Variants in ERBB4 observed in about 807,000 individuals in gnomAD.
ERBB4 encodes the protein receptor tyrosine-protein kinase erbB-4.
A neutral mutation model predicts 158.0 loss-of-function variants in ERBB4; 42 were observed. The observed-to-expected ratio is 0.27, with a 90% CI of 0.21 to 0.34. The LOEUF is 0.34. Among genes scored for constraint, ERBB4 ranks in the 10% least tolerant of loss-of-function variants. The probability of loss-of-function intolerance (pLI) is 1.00; values close to 1 mark genes in which losing one functional copy is unlikely to be tolerated. For missense variants in ERBB4, 1,333 were observed against 1,624.1 expected (o/e 0.82, Z 3.08); for synonymous variants, 583 against 558.7 (o/e 1.04, Z -0.61).
At chr2:211,454,784 T>G (rs190670964) in intron 20 of ERBB4, among the ~76,000 whole-genome samples, 1 of 152,288 alleles carries the variant, frequency 6.6e-6, no homozygotes, top group Non-Finnish European at 1.5e-5. Flanking sequence ...TTAGCCTTCT[T>G]GGGATAACAA....
At position 211,430,874 on chromosome 2, in the gene ERBB4, A is replaced by G. The variant is rs529592331; in HGVS notation, c.2643+71T>C. On this transcript the variant is annotated intron_variant, in intron 21 of 27. Transcript: ENST00000342788. Reference sequence around the variant, plus strand: ...AGCTTCAGGCTTATTGGTTTCTTGTATAAAATATAAGGAGATAAAAGGATA... The same window carrying G: ...AGCTTCAGGCTTATTGGTTTCTTGTGTAAAATATAAGGAGATAAAAGGATA... 8.9e-5 allele frequency: 119 copies of G among 1,341,368 alleles called. No individual in the cohort carries two copies. The South Asian group carries it at 1.4e-3, about 15-fold the overall frequency. The allele number at this position is 1,341,368 out of a possible 1,614,324, so 83.1% of individuals were successfully genotyped here. A position where few individuals can be genotyped will look rare whatever the true frequency, so the allele number is the denominator to read the frequency against.
intron 2 of ERBB4, among the ~76,000 whole-genome samples, chr2:212,112,416 T>C (rs1013445809): frequency 6.6e-6 from 1 of 152,148 alleles, no homozygotes; most frequent in Non-Finnish European, 1.5e-5. Context: ...GAGGCCTACC[T>C]TTTTCAATCT....
At chr2:212,354,179 A>C (rs1274783708) in intron 1 of ERBB4, among the ~76,000 whole-genome samples, 1 of 152,150 alleles carries the variant, frequency 6.6e-6, no homozygotes, top group Non-Finnish European at 1.5e-5. Flanking sequence ...TTGATTAATC[A>C]AAATTATACA....
intron 1 of ERBB4, among the ~76,000 whole-genome samples, chr2:212,159,449 T>C (rs1284878146): frequency 6.6e-6 from 1 of 152,020 alleles, no homozygotes; most frequent in Non-Finnish European, 1.5e-5. Flanking sequence ...TTTACATTCG[T>C]ATAATGTAGA....
chr2:211,637,146 C>T lies in ERBB4; in HGVS notation c.1947-6552G>A, dbSNP rs186018911. ...TCCTATCTTTCTTCTGAAAATCTTACAGTGGCTACAGATGAAAGCATAAGT... is the reference window on the plus strand; with the variant it reads ...TCCTATCTTTCTTCTGAAAATCTTATAGTGGCTACAGATGAAAGCATAAGT... On this transcript the variant is annotated intron_variant, in intron 16 of 27. Coordinates refer to ENST00000342788, the MANE Select transcript of ERBB4 (RefSeq NM_005235.3). Among the ~76,000 whole-genome samples the T allele has an allele frequency of 1.3e-4, 19 of 151,976 alleles. No homozygotes were observed. The East Asian group carries it at 2.1e-3, about 17-fold the overall frequency.
chr2:211,773,598 TTATATATATATA>T (rs1171015959), intron 4 of ERBB4, among the ~76,000 whole-genome samples: 544 of 29,726 alleles, frequency 0.018, 6 homozygotes, highest in African/African-American at 0.039. Flanking sequence ...TTCTGTAACT[TTATATATATATA>T]TATATATATA....
intron 4 of ERBB4, 127 bp downstream of exon 4, chr2:211,787,898 T>TATA (rs1575148844): frequency 1.1e-6 from 1 of 881,864 alleles, no homozygotes; most frequent in East Asian, 2.6e-5. Context: ...TTCTGCCATA[T>TATA]ATAACTGAAC....
At chr2:211,967,008 T>G (rs992760144) in intron 2 of ERBB4, among the ~76,000 whole-genome samples, 2 of 152,174 alleles carry the variant, frequency 1.3e-5, no homozygotes, top group Admixed American at 1.3e-4. Flanking sequence ...TGGTAATTAT[T>G]AAATATTTAT....
At chr2:211,972,600 A>G (rs1559220196) in intron 2 of ERBB4, among the ~76,000 whole-genome samples, 1 of 152,136 alleles carries the variant, frequency 6.6e-6, no homozygotes, top group Non-Finnish European at 1.5e-5. Flanking sequence ...AAAAAAGACC[A>G]CACTCCTGCA....
chr2:211,495,519 T>C (rs1052324757), intron 20 of ERBB4, among the ~76,000 whole-genome samples: 2 of 152,098 alleles, frequency 1.3e-5, no homozygotes, highest in East Asian at 1.9e-4. Flanking sequence ...ACAGGTTGAA[T>C]TGGCAATTCA....
chr2:211,522,190 C>CT (rs1391512784), intron 20 of ERBB4, among the ~76,000 whole-genome samples: 2 of 152,110 alleles, frequency 1.3e-5, no homozygotes, highest in African/African-American at 4.8e-5. Flanking sequence ...ATTTTAGAGG[C>CT]TATTAAGTAC....
At chr2:211,713,079 T>G (rs1559447302) in intron 8 of ERBB4, among the ~76,000 whole-genome samples, 1 of 152,162 alleles carries the variant, frequency 6.6e-6, no homozygotes, top group Non-Finnish European at 1.5e-5. Flanking sequence ...TTCTTGTCAT[T>G]TCATAGATCT....
chr2:211,731,432 T>C (rs12622176), intron 5 of ERBB4, among the ~76,000 whole-genome samples: 31,243 of 151,952 alleles, frequency 0.21, 4,081 homozygotes, highest in Non-Finnish European at 0.3. Flanking sequence ...AGGTTTGAAC[T>C]AGAAGGGAGA....
intron 20 of ERBB4, among the ~76,000 whole-genome samples, chr2:211,523,704 C>T (rs1234973425): frequency 6.6e-6 from 1 of 151,992 alleles, no homozygotes; most frequent in Non-Finnish European, 1.5e-5. Context: ...AGTGTTACAG[C>T]TCATAAAAGC....
intron 20 of ERBB4, among the ~76,000 whole-genome samples, chr2:211,443,564 G>A (rs1487208734): frequency 6.6e-6 from 1 of 151,956 alleles, no homozygotes; most frequent in Non-Finnish European, 1.5e-5. Context: ...ATGAAAGAAG[G>A]TTAAAAGCAC....
Position 211,454,667 on chromosome 2 carries a change from GT to G in ERBB4, c.2488-23568del, listed in dbSNP as rs1030304678. Among the ~76,000 whole-genome samples, 70 of 152,270 alleles carry G rather than the reference GT, an allele frequency of 4.6e-4. 1 individual carries two copies. Among genetic ancestry groups the G allele is most frequent in the African/African-American group, 1.7e-3 (70 of 41,552 alleles). ...AGTAACAGAAGATGTCAGTCAGGGGGTTATTGGTTTAATTTTTAACTTTACA... is the reference window on the plus strand; with the variant it reads ...AGTAACAGAAGATGTCAGTCAGGGGGTATTGGTTTAATTTTTAACTTTACA... On this transcript the variant is annotated intron_variant, in intron 20 of 27. Transcript: ENST00000342788.
At chr2:212,409,622 C>T (rs997421117) in intron 1 of ERBB4, among the ~76,000 whole-genome samples, 1 of 152,080 alleles carries the variant, frequency 6.6e-6, no homozygotes, top group Non-Finnish European at 1.5e-5. Context: ...GATGTCTGGT[C>T]TATCTATAAT....
intron 1 of ERBB4, among the ~76,000 whole-genome samples, chr2:212,256,006 T>TTA (rs1331005772): frequency 3.9e-5 from 5 of 127,498 alleles, no homozygotes; most frequent in African/African-American, 1.3e-4. Flanking sequence ...TATTTATTTT[T>TTA]TTTTTACAAA....
rs575257970 is a variant in ERBB4, at chr2:211,591,605, G to C, written c.2301+27572C>G. Reference sequence around the variant, plus strand: ...GGCAGAGTAAGCACTCTGTTCTCCAGGCTCCCACAGCATGTAATAGGTACC... The same window carrying C: ...GGCAGAGTAAGCACTCTGTTCTCCACGCTCCCACAGCATGTAATAGGTACC... On this transcript the variant is annotated intron_variant, in intron 19 of 27. Coordinates refer to ENST00000342788, the MANE Select transcript of ERBB4 (RefSeq NM_005235.3). Among the ~76,000 whole-genome samples, 4 of 152,292 alleles carry C rather than the reference G, an allele frequency of 2.6e-5. No individual in the cohort carries two copies. In the South Asian group the frequency reaches 8.3e-4, roughly 32 times the overall value.
Sources: gnomAD v4.1 joint callset for allele counts (sites outside exome capture counted in the v4.1 genomes callset) on GRCh38, gnomAD v4.1.1 for gene constraint, MANE v1.5 for transcripts, NCBI Gene and HGNC (gene_info 2026-07-23, HGNC 2026-07-21) for gene names.